GALNT7: variants seen among roughly 807,000 people sequenced by gnomAD.
GALNT7 encodes the protein polypeptide N-acetylgalactosaminyltransferase 7, also known as N-acetylgalactosaminyltransferase 7.
A neutral mutation model predicts 82.1 loss-of-function variants in GALNT7; 60 were observed. That is an observed-to-expected ratio of 0.73 (90% CI 0.59 to 0.91). The LOEUF (loss-of-function observed/expected upper bound fraction) is 0.91, where lower values mean the gene tolerates loss of function less well. Ranked by LOEUF, GALNT7 falls within the 40% of genes least tolerant of loss-of-function variation. The probability of loss-of-function intolerance (pLI) is 0.00; values close to 1 mark genes in which losing one functional copy is unlikely to be tolerated. For synonymous variants in GALNT7, 243 were observed against 275.1 expected, an observed-to-expected ratio of 0.88 and a Z score of 1.15; for missense variants, 660 against 804.2, an observed-to-expected ratio of 0.82 and a Z score of 2.17.
At chr4:173,265,150 A>G (rs779668693) in intron 2 of GALNT7, among the ~76,000 whole-genome samples, 27 of 152,358 alleles carry the variant, frequency 1.8e-4, no homozygotes, top group Non-Finnish European at 2.8e-4. Flanking sequence ...AGGAGCAGGC[A>G]GGGGACCAGA....
chr4:173,305,316 C>T (rs1020235933), intron 8 of GALNT7, among the ~76,000 whole-genome samples: 5 of 152,148 alleles, frequency 3.3e-5, no homozygotes, highest in African/African-American at 1.2e-4. Flanking sequence ...TGAGTTCCTT[C>T]TATGTTACGG....
At chr4:173,185,272 T>C (rs1036995661) in intron 1 of GALNT7, among the ~76,000 whole-genome samples, 4 of 152,164 alleles carry the variant, frequency 2.6e-5, no homozygotes, top group African/African-American at 9.7e-5. Context: ...TCTTCACCAC[T>C]CCGTGAAAGT....
intron 1 of GALNT7, among the ~76,000 whole-genome samples, chr4:173,196,648 C>T (rs773558770): frequency 5.9e-5 from 9 of 152,244 alleles, no homozygotes; most frequent in Non-Finnish European, 1.0e-4. Flanking sequence ...AACCCATCAC[C>T]TAGGTATTAA....
intron 2 of GALNT7, among the ~76,000 whole-genome samples, chr4:173,265,480 C>G (rs1735448188): frequency 6.6e-6 from 1 of 152,070 alleles, no homozygotes; most frequent in South Asian, 2.1e-4. Flanking sequence ...CCTTACCAGC[C>G]TTCTCTACAT....
In GALNT7 at chr4:173,284,379, G is replaced by A. The variant is rs1736233410; in HGVS notation, c.588-7729G>A. Reference sequence around the variant, plus strand: ...ATAACCCAACATAACAACCTTAATTGTGATTGATAGCAAATATTCAGACAT... The same window carrying A: ...ATAACCCAACATAACAACCTTAATTATGATTGATAGCAAATATTCAGACAT... On this transcript the variant is annotated intron_variant, in intron 2 of 11. Coordinates refer to ENST00000265000, the MANE Select transcript of GALNT7 (RefSeq NM_017423.3). Among the ~76,000 whole-genome samples, 3 of 152,150 alleles carry A rather than the reference G, an allele frequency of 2.0e-5. No individual in the cohort carries two copies. The South Asian group carries it at 6.2e-4, about 32-fold the overall frequency.
chr4:173,263,209 T>G (rs957629057), intron 2 of GALNT7, among the ~76,000 whole-genome samples: 12 of 152,214 alleles, frequency 7.9e-5, no homozygotes, highest in African/African-American at 2.9e-4. Context: ...AAGCCGCTGC[T>G]ATAGATTTTA....
At chr4:173,232,347 C>T (rs1734056318) in intron 1 of GALNT7, among the ~76,000 whole-genome samples, 1 of 151,420 alleles carries the variant, frequency 6.6e-6, no homozygotes, top group Non-Finnish European at 1.5e-5. Context: ...ATGAATTGTA[C>T]ATATTTATGG....
At chr4:173,172,522 C>T (rs995534665) in intron 1 of GALNT7, among the ~76,000 whole-genome samples, 10 of 152,136 alleles carry the variant, frequency 6.6e-5, no homozygotes, top group Admixed American at 1.3e-4. Context: ...ATGGTGTTGG[C>T]GCGACCAATT....
At chr4:173,294,854 A>AT (rs1016040504) in intron 3 of GALNT7, among the ~76,000 whole-genome samples, 3 of 152,088 alleles carry the variant, frequency 2.0e-5, no homozygotes, top group African/African-American at 4.8e-5. Flanking sequence ...AGAAAATGAG[A>AT]TTTTTTTCTT....
chr4:173,307,255 G>C (rs552184543), intron 8 of GALNT7, among the ~76,000 whole-genome samples: 13 of 152,374 alleles, frequency 8.5e-5, no homozygotes, highest in African/African-American at 3.1e-4. Flanking sequence ...TGGCTGGGGA[G>C]CTGAGGACTG....
intron 1 of GALNT7, among the ~76,000 whole-genome samples, chr4:173,182,157 T>C (rs1732267960): frequency 6.6e-6 from 1 of 152,226 alleles, no homozygotes; most frequent in Non-Finnish European, 1.5e-5. Flanking sequence ...ACTACTTCTT[T>C]AGCTTAAGTG....
chr4:173,229,216 A>G (rs1377356473), intron 1 of GALNT7, among the ~76,000 whole-genome samples: 1 of 152,130 alleles, frequency 6.6e-6, no homozygotes, highest in South Asian at 2.1e-4. Flanking sequence ...GCATATTACA[A>G]TTTATTACAT....
intron 1 of GALNT7, among the ~76,000 whole-genome samples, chr4:173,220,384 G>A (rs1331630490): frequency 6.6e-6 from 1 of 152,022 alleles, no homozygotes; most frequent in Non-Finnish European, 1.5e-5. Flanking sequence ...TTGCTGTTTT[G>A]GTGACTGTGA....
chr4:173,266,213 T>C (rs1009948089), intron 2 of GALNT7, among the ~76,000 whole-genome samples: 1 of 152,128 alleles, frequency 6.6e-6, no homozygotes, highest in African/African-American at 2.4e-5. Context: ...TGAGCTGAGA[T>C]AGCACCACTG....
At position 173,302,084 on chromosome 4, in the gene GALNT7, C is replaced by T; in HGVS notation, c.1186C>T (p.Arg396Ter). The T allele has an allele frequency of 1.2e-6, 2 of 1,600,400 alleles. No individual in the cohort carries two copies. The highest frequency in any genetic ancestry group is 1.7e-6 in the Non-Finnish European group (2 of 1,167,650). The change falls in exon 7 of 12, where the codon CGA becomes TGA. Residue 396 changes from arginine to a stop codon, truncating the protein, a stop_gained. Coordinates refer to ENST00000265000, the MANE Select transcript of GALNT7 (RefSeq NM_017423.3). LOFTEE classifies it high-confidence loss of function. The surrounding 1 kb of genome is among the most constrained non-coding windows in gnomAD (Gnocchi z 4.2). Reference sequence around the variant, plus strand: ...GGCTGGGGGATTATTTGCCATTGAACGAGAGTTCTTCTTTGAATTGGGTCT... The same window carrying T: ...GGCTGGGGGATTATTTGCCATTGAATGAGAGTTCTTCTTTGAATTGGGTCT... Reference protein sequence around the residue: ...AMAGGLFAIEREFFFELGLYD... With the variant: ...AMAGGLFAIE
At chr4:173,249,960 C>T (rs1018940900) in intron 2 of GALNT7, among the ~76,000 whole-genome samples, 3 of 152,154 alleles carry the variant, frequency 2.0e-5, no homozygotes, top group African/African-American at 2.4e-5. Flanking sequence ...TGCGAAATGA[C>T]TGGTGGCATT....
In GALNT7 at chr4:173,245,152, T is replaced by C. The variant is rs551404851; in HGVS notation, c.127-2828T>C. 5.8e-5 allele frequency among the ~76,000 whole-genome samples: 8 copies of C among 137,802 alleles called. No individual in the cohort carries two copies. The South Asian group carries it at 1.4e-3, about 25-fold the overall frequency. 90.4% of individuals were successfully genotyped at this position (137,802 alleles called of 152,430 possible). A position where few individuals can be genotyped will look rare whatever the true frequency, so the allele number is the denominator to read the frequency against. On this transcript the variant is annotated intron_variant, in intron 1 of 11. Transcript: ENST00000265000. ...CCTAGAATGAGGATGGAATGACAAA[T>C]AGACTAATAACAGAACCCTGAAGAA... is the stretch of plus-strand genomic sequence containing the variant.
chr4:173,281,620 G>A (rs896852081), intron 2 of GALNT7, among the ~76,000 whole-genome samples: 2 of 152,178 alleles, frequency 1.3e-5, no homozygotes, highest in African/African-American at 4.8e-5. Flanking sequence ...GTTGTCTCTA[G>A]GTCTCCTGCC....
chr4:173,304,095 G>T lies in GALNT7; in HGVS notation c.1366G>T (p.Val456Phe). 3 of 1,613,630 alleles carry T rather than the reference G, an allele frequency of 1.9e-6. No homozygotes were observed. The highest frequency in any genetic ancestry group is 2.5e-6 in the Non-Finnish European group (3 of 1,179,794). Residue 456 changes from valine (V) to phenylalanine (F), a missense_variant, in exon 8 of 12, where the codon GTT (valine) becomes TTT (phenylalanine). Physicochemically the swap from Val to Phe is conservative, Grantham distance 50. Coordinates refer to ENST00000265000, the MANE Select transcript of GALNT7 (RefSeq NM_017423.3). ...GWQGNPPPIY[V>F]GSSPTLKNYV... Reference sequence around the variant, plus strand: ...GCAAGGAAATCCTCCGCCCATTTATGTTGGGTCTTCTCCAACTCTGAAGGT... The same window carrying T: ...GCAAGGAAATCCTCCGCCCATTTATTTTGGGTCTTCTCCAACTCTGAAGGT...
Sources: allele counts gnomAD v4.1 joint callset (sites outside exome capture counted in the v4.1 genomes callset), GRCh38; gene constraint gnomAD v4.1.1; non-coding constraint Gnocchi (gnomAD v3.1); transcripts MANE v1.5; gene names NCBI Gene and HGNC (gene_info 2026-07-23, HGNC 2026-07-21).